ARMC3: variants seen among roughly 807,000 people sequenced by gnomAD.
ARMC3 encodes armadillo repeat-containing protein 3.
ARMC3 carries 74 observed loss-of-function variants against 90.3 expected under a neutral mutation model. The observed-to-expected ratio is 0.82, with a 90% CI of 0.68 to 0.99. The LOEUF (loss-of-function observed/expected upper bound fraction) is 0.99. ARMC3 is among the 50% of genes least tolerant of loss of function. The probability of loss-of-function intolerance (pLI) is 0.00; values close to 1 mark genes in which losing one functional copy is unlikely to be tolerated. For synonymous variants in ARMC3, 334 were observed against 361.8 expected (o/e 0.92, Z 0.87); for missense variants, 958 against 1,042.8 (o/e 0.92, Z 1.12).
intron 13 of ARMC3, among the ~76,000 whole-genome samples, chr10:23,005,057 CA>C (rs1186053501): frequency 3.3e-5 from 5 of 151,666 alleles, no homozygotes; most frequent in Non-Finnish European, 5.9e-5. Flanking sequence ...ACTAAATATA[CA>C]AAAAATTAGC....
intron 16 of ARMC3, among the ~76,000 whole-genome samples, chr10:23,018,847 A>G (rs1169968567): frequency 1.3e-5 from 2 of 152,140 alleles, no homozygotes; most frequent in Non-Finnish European, 2.9e-5. Context: ...AAAAACAGCT[A>G]AAGCCAAAAA....
intron 10 of ARMC3, among the ~76,000 whole-genome samples, chr10:22,996,762 T>C (rs1205521639): frequency 6.6e-6 from 1 of 152,176 alleles, no homozygotes; most frequent in Non-Finnish European, 1.5e-5. Context: ...CCAGTCTCTT[T>C]ATGGAGATTT....
chr10:22,985,978 A>C (rs1190505734), intron 10 of ARMC3, among the ~76,000 whole-genome samples: 2 of 151,984 alleles, frequency 1.3e-5, no homozygotes, highest in Non-Finnish European at 1.5e-5. Context: ...TGCACTCCAC[A>C]CATGCATATT....
chr10:22,942,198 A>T (rs1453681715), intron 2 of ARMC3, among the ~76,000 whole-genome samples: 2 of 152,218 alleles, frequency 1.3e-5, no homozygotes, highest in African/African-American at 4.8e-5. Flanking sequence ...TCCAAATGCA[A>T]TTGAAGAATC....
At chr10:22,985,074 T>A (rs1228644810) in intron 10 of ARMC3, among the ~76,000 whole-genome samples, 79 of 105,976 alleles carry the variant, frequency 7.5e-4, no homozygotes, top group African/African-American at 3.1e-3. Flanking sequence ...TTTTTTTTTT[T>A]AGAGATGGGG....
chr10:22,966,235 G>A (rs887481544), intron 7 of ARMC3, among the ~76,000 whole-genome samples: 2 of 152,176 alleles, frequency 1.3e-5, no homozygotes, highest in African/African-American at 4.8e-5. Context: ...GCAGTTTGCT[G>A]GTCACCTGTG....
rs546304343 is a variant in ARMC3, at chr10:23,015,166, C to T, written c.2045+6235C>T. Among the ~76,000 whole-genome samples, 143 of 152,122 alleles carry T rather than the reference C, an allele frequency of 9.4e-4. 4 individuals are homozygous for T. Among genetic ancestry groups the T allele is most frequent in the African/African-American group, 2.8e-3 (116 of 41,500 alleles). ...ATATGGAGAAGAGAAAGGGGAAGTACGGATTTCTTTTTCCTGATGAATCTC... is the reference window on the plus strand; with the variant it reads ...ATATGGAGAAGAGAAAGGGGAAGTATGGATTTCTTTTTCCTGATGAATCTC... On this transcript the variant is annotated intron_variant, in intron 16 of 18. Transcript: ENST00000298032.
chr10:23,005,120 G>A, intron 13 of ARMC3, among the ~76,000 whole-genome samples: 1 of 151,034 alleles, frequency 6.6e-6, no homozygotes, highest in East Asian at 2.0e-4. Context: ...GGCTGAGGCA[G>A]GAGAATGGCG....
At chr10:22,981,226 G>A (rs966847335) in intron 8 of ARMC3, 114 bp from the exon 9 acceptor site, 15 of 940,474 alleles carry the variant, frequency 1.6e-5, no homozygotes, top group Non-Finnish European at 2.4e-5. Flanking sequence ...TTAGACTCTG[G>A]TACTAAAACT....
chr10:23,023,540 T>C, intron 16 of ARMC3, among the ~76,000 whole-genome samples: 1 of 152,224 alleles, frequency 6.6e-6, no homozygotes, highest in Non-Finnish European at 1.5e-5. Context: ...GTTGGAATTA[T>C]CTGACCTGGA....
At chr10:22,948,427 T>A (rs1397971414) in intron 3 of ARMC3, among the ~76,000 whole-genome samples, 1 of 152,064 alleles carries the variant, frequency 6.6e-6, no homozygotes. Context: ...AAGTCTGATG[T>A]TTTATACTAG....
intron 8 of ARMC3, among the ~76,000 whole-genome samples, chr10:22,978,957 G>A (rs905319352): frequency 6.6e-6 from 1 of 152,176 alleles, no homozygotes; most frequent in Non-Finnish European, 1.5e-5. Context: ...GTTGTTTGTT[G>A]AGTAAACTTT....
chr10:23,013,261 C>G (rs1838105201), intron 16 of ARMC3, among the ~76,000 whole-genome samples: 1 of 152,126 alleles, frequency 6.6e-6, no homozygotes, highest in African/African-American at 2.4e-5. Context: ...AGTTCCCTCT[C>G]ATCTTATAGC....
chr10:22,946,147 G>T lies in ARMC3; in HGVS notation c.52G>T (p.Asp18Tyr). 2 of 1,598,424 alleles carry T rather than the reference G, an allele frequency of 1.3e-6. No individual in the cohort carries two copies. The highest frequency in any genetic ancestry group is 2.3e-5 in the South Asian group (2 of 88,098). ...TAGTTTTCTTTCTGCCTTTCAGTTTGACCCATTAATGATTGAAAGCAAAAA... is the reference window on the plus strand; with the variant it reads ...TAGTTTTCTTTCTGCCTTTCAGTTTTACCCATTAATGATTGAAAGCAAAAA... ...EVEPPPKDVF[D>Y]PLMIESKKAA... The change falls in exon 3 of 19, where the codon GAC becomes TAC. Residue 18 changes from aspartate (D) to tyrosine (Y), a missense_variant. Transcript: ENST00000298032.
At chr10:22,996,943 GTTA>G (rs2131395650) in intron 10 of ARMC3, among the ~76,000 whole-genome samples, 1 of 150,958 alleles carries the variant, frequency 6.6e-6, no homozygotes, top group East Asian at 1.9e-4. Context: ...TTTAATTTTG[GTTA>G]TTATTATATA....
At chr10:22,992,247 G>T (rs1199253283) in intron 10 of ARMC3, among the ~76,000 whole-genome samples, 1 of 152,192 alleles carries the variant, frequency 6.6e-6, no homozygotes, top group Non-Finnish European at 1.5e-5. Context: ...TGCTCTTTGT[G>T]GAAGTGCTGG....
intron 10 of ARMC3, chr10:22,997,153 T>C (rs1837008973): frequency 1.3e-5 from 2 of 152,234 alleles, no homozygotes; most frequent in African/African-American, 2.4e-5. Context: ...ATTCCAAACA[T>C]TGAAGAACAT....
At chr10:22,955,690 G>A (rs531791265) in intron 3 of ARMC3, 117 bp from the exon 4 acceptor site, 16 of 1,264,366 alleles carry the variant, frequency 1.3e-5, no homozygotes, top group African/African-American at 1.0e-4. Context: ...AAATACGAAC[G>A]GAAGCCAAGA....
At chr10:22,933,228 T>A (rs1480170304) in intron 2 of ARMC3, among the ~76,000 whole-genome samples, 3 of 152,194 alleles carry the variant, frequency 2.0e-5, no homozygotes. Context: ...GCTGCTTCTC[T>A]TAGGACATAT....
Sources: gnomAD v4.1 joint callset for allele counts (sites outside exome capture counted in the v4.1 genomes callset) on GRCh38, gnomAD v4.1.1 for gene constraint, MANE v1.5 for transcripts, NCBI Gene and HGNC (gene_info 2026-07-23, HGNC 2026-07-21) for gene names.